PRELID2: variants seen among roughly 807,000 people sequenced by gnomAD.
PRELID2 encodes the protein PRELI domain-containing protein 2.
A neutral mutation model predicts 28.4 loss-of-function variants in PRELID2; 25 were observed. The observed-to-expected ratio is 0.88, with a 90% CI of 0.64 to 1.23. PRELID2 has a LOEUF of 1.23. PRELID2 is among the 50% of genes most tolerant of loss of function. The pLI, the probability that PRELID2 is intolerant of heterozygous loss-of-function variation, is 0.00. For missense variants in PRELID2, 201 were observed against 214.4 expected, an observed-to-expected ratio of 0.94 and a Z score of 0.39; for synonymous variants, 76 against 71.6, an observed-to-expected ratio of 1.06 and a Z score of -0.31.
At chr5:145,483,944 A>T (rs1420985092) in intron 1 of PRELID2, among the ~76,000 whole-genome samples, 2 of 152,362 alleles carry the variant, frequency 1.3e-5, no homozygotes, top group East Asian at 3.9e-4. Context: ...TACCTGACAT[A>T]TAATAACTCT....
At chr5:145,490,026 C>T (rs1045646524) in intron 1 of PRELID2, among the ~76,000 whole-genome samples, 3 of 152,150 alleles carry the variant, frequency 2.0e-5, no homozygotes, top group African/African-American at 7.2e-5. Context: ...GCAGATGATA[C>T]ATCTGTGCTA....
chr5:145,498,750 T>A (rs867427089), intron 1 of PRELID2, among the ~76,000 whole-genome samples: 3 of 151,964 alleles, frequency 2.0e-5, no homozygotes, highest in South Asian at 4.2e-4. Context: ...AGAGATAAGG[T>A]TTCACCATGT....
intron 1 of PRELID2, among the ~76,000 whole-genome samples, chr5:145,596,935 A>G (rs1371874504): frequency 6.6e-6 from 1 of 152,188 alleles, no homozygotes; most frequent in African/African-American, 2.4e-5. Flanking sequence ...CTCAGTGATT[A>G]GTCATTTGTC....
At chr5:145,739,284 T>A (rs1756583611) in intron 1 of PRELID2, among the ~76,000 whole-genome samples, 1 of 152,130 alleles carries the variant, frequency 6.6e-6, no homozygotes, top group African/African-American at 2.4e-5. Context: ...GGCAAGTGAA[T>A]CATGAGCTCA....
At chr5:145,439,985 C>G in the PRELID2 span, among the ~76,000 whole-genome samples, 2 of 152,212 alleles carry the variant, frequency 1.3e-5, no homozygotes, top group South Asian at 2.1e-4. Context: ...ACCTTGATAG[C>G]CTTACCAGCT....
chr5:145,390,886 A>C, the PRELID2 span, among the ~76,000 whole-genome samples: 2 of 152,338 alleles, frequency 1.3e-5, no homozygotes, highest in East Asian at 3.9e-4. Flanking sequence ...AAATTAGCCA[A>C]AACAAAAGGG....
At chr5:145,319,185 G>C in the PRELID2 span, among the ~76,000 whole-genome samples, 1 of 152,074 alleles carries the variant, frequency 6.6e-6, no homozygotes, top group Admixed American at 6.5e-5. Context: ...TTAGGGCCAC[G>C]GGTTTCCAGG....
intron 4 of PRELID2, among the ~76,000 whole-genome samples, chr5:145,811,770 C>T (rs952386289): frequency 6.6e-6 from 1 of 152,208 alleles, no homozygotes; most frequent in Non-Finnish European, 1.5e-5. Flanking sequence ...GCCTTGCTGG[C>T]TTTCCAATTC....
the PRELID2 span, among the ~76,000 whole-genome samples, chr5:145,354,219 A>G: frequency 6.6e-6 from 1 of 151,412 alleles, no homozygotes; most frequent in Non-Finnish European, 1.5e-5. Flanking sequence ...TTGAGAAGGC[A>G]CAGCCAGGAT....
chr5:145,808,096 G>A (rs1426902850), intron 4 of PRELID2, among the ~76,000 whole-genome samples: 1 of 152,106 alleles, frequency 6.6e-6, no homozygotes, highest in African/African-American at 2.4e-5. Flanking sequence ...ATCCACTGGT[G>A]CACTGGAAAT....
chr5:145,763,749 G>A (rs1313949452), intron 6 of PRELID2, among the ~76,000 whole-genome samples: 3 of 152,170 alleles, frequency 2.0e-5, no homozygotes, highest in African/African-American at 7.2e-5. Flanking sequence ...GGCAAAGTTT[G>A]TTTTATTCAA....
intron 1 of PRELID2, among the ~76,000 whole-genome samples, chr5:145,535,136 C>T (rs1198094448): frequency 6.6e-6 from 1 of 151,880 alleles, no homozygotes; most frequent in African/African-American, 2.4e-5. Context: ...TATGTATCTC[C>T]TTTAGATGCA....
the PRELID2 span, among the ~76,000 whole-genome samples, chr5:145,394,439 C>G: frequency 0.65 from 75,349 of 116,392 alleles, 22,573 homozygotes; most frequent in East Asian, 0.83. Context: ...GTTGTGGGGT[C>G]GGGGGAGGGG....
chr5:145,531,806 C>T (rs1752657027), intron 1 of PRELID2, among the ~76,000 whole-genome samples: 1 of 152,166 alleles, frequency 6.6e-6, no homozygotes, highest in African/African-American at 2.4e-5. Context: ...TAACCAATAT[C>T]TACTGTCCTG....
At chr5:145,264,102 C>T in the PRELID2 span, among the ~76,000 whole-genome samples, 1 of 152,108 alleles carries the variant, frequency 6.6e-6, no homozygotes, top group East Asian at 1.9e-4. Context: ...CCTATCAATG[C>T]TATTCTAAAA....
the PRELID2 span, among the ~76,000 whole-genome samples, chr5:145,421,128 G>A: frequency 2.6e-5 from 4 of 151,928 alleles, no homozygotes; most frequent in African/African-American, 4.8e-5. Context: ...TGCTGGATTC[G>A]TTTTGCTAGT....
intron 1 of PRELID2, among the ~76,000 whole-genome samples, chr5:145,747,068 C>A (rs913018416): frequency 6.6e-6 from 1 of 152,090 alleles, no homozygotes; most frequent in Non-Finnish European, 1.5e-5. Context: ...TAAATGCCCA[C>A]ATTAGAAAGC....
chr5:145,387,821 A>G, the PRELID2 span, among the ~76,000 whole-genome samples: 2 of 151,288 alleles, frequency 1.3e-5, no homozygotes, highest in Non-Finnish European at 2.9e-5. Context: ...AGTCCCAGCT[A>G]TTCTGGAGGC....
chr5:145,455,269 T>C, the PRELID2 span, among the ~76,000 whole-genome samples: 704 of 152,286 alleles, frequency 4.6e-3, 5 homozygotes, highest in African/African-American at 0.016. Flanking sequence ...GTTGTAGATA[T>C]GTGGCATTAT....
Sources: gnomAD v4.1 joint callset for allele counts (sites outside exome capture counted in the v4.1 genomes callset) on GRCh38, gnomAD v4.1.1 for gene constraint, MANE v1.5 for transcripts, NCBI Gene and HGNC (gene_info 2026-07-23, HGNC 2026-07-21) for gene names.